Variants in GTF3C4 observed in about 807,000 individuals in gnomAD.
GTF3C4 encodes general transcription factor 3C polypeptide 4.
GTF3C4 carries 28 observed loss-of-function variants against 67.5 expected under a neutral mutation model. The ratio of observed to expected loss-of-function variants is 0.41; its 90% CI spans 0.31 to 0.57. The LOEUF (loss-of-function observed/expected upper bound fraction) is 0.57. GTF3C4 is among the 20% of genes least tolerant of loss of function. GTF3C4 has a pLI of 0.21. For missense variants in GTF3C4, 831 were observed against 1,033.2 expected (o/e 0.80, Z 2.68); for synonymous variants, 409 against 393.0 (o/e 1.04, Z -0.48).
Position 132,670,525 on chromosome 9 carries a change from G to T in GTF3C4, c.-74G>T. The T allele has an allele frequency of 1.7e-6, 2 of 1,178,516 alleles. No homozygotes were observed. The highest frequency in any genetic ancestry group is 1.9e-5 in the South Asian group (1 of 53,354). The allele number at this position is 1,178,516 out of a possible 1,614,324, so 73.0% of individuals were successfully genotyped here. A position where few individuals can be genotyped will look rare whatever the true frequency, so the allele number is the denominator to read the frequency against. ...ACCGCCGCGGAGGGCGCTGGGGGTG[G>T]CGGCGGCGGTCCGGGAGGTGGTCGC... is the stretch of plus-strand genomic sequence containing the variant. On this transcript the variant is annotated 5_prime_UTR_variant, in exon 1 of 5. Transcript: ENST00000372146.
chr9:132,675,949 A>AG (rs1268997800), intron 1 of GTF3C4, among the ~76,000 whole-genome samples: 1 of 114,982 alleles, frequency 8.7e-6, no homozygotes, highest in African/African-American at 3.5e-5. Flanking sequence ...CCCAGGCTGG[A>AG]GTGCAGTGGT....
Position 132,693,568 on chromosome 9 carries a change from A to G in GTF3C4, c.*4623A>G, listed in dbSNP as rs1170752408. On this transcript the variant is annotated 3_prime_UTR_variant, in exon 5 of 5. Transcript: ENST00000372146. ...AAATACTGTAAATGGGTTGGTTAGA[A>G]TTAAAGTTTAGAACTCTAAATCTTA... The G allele has an allele frequency of 3.3e-5, 5 of 152,336 alleles. No homozygotes were observed. In the East Asian group the frequency reaches 7.7e-4, roughly 23 times the overall value. 9.4% of individuals were successfully genotyped at this position (152,336 alleles called of 1,614,324 possible).
chr9:132,683,589 G>A lies in GTF3C4; in HGVS notation c.2211G>A (p.Lys737=). ...TGCTGATTGGACATATCTCAAAGAA[G>A]ATGAACAAACAGACTTTCCCTGAGC... is the stretch of plus-strand genomic sequence containing the variant. ...ARVLIGHISK[K]MNKQTFPEHC... is the part of the protein sequence containing the mutation. The change falls in exon 3 of 5, where the codon AAG becomes AAA. Residue 737 remains lysine, a synonymous_variant. Transcript: ENST00000372146. The A allele has an allele frequency of 1.2e-6, 2 of 1,612,440 alleles. No homozygotes were observed. The highest frequency in any genetic ancestry group is 1.7e-6 in the Non-Finnish European group (2 of 1,179,622).
intron 1 of GTF3C4, among the ~76,000 whole-genome samples, chr9:132,672,879 T>C (rs1218708888): frequency 6.6e-6 from 1 of 152,096 alleles, no homozygotes; most frequent in Non-Finnish European, 1.5e-5. Context: ...CTGTAAATGC[T>C]CAAGGTGAAA....
At chr9:132,676,533 C>A (rs1308569444) in intron 1 of GTF3C4, among the ~76,000 whole-genome samples, 1 of 151,832 alleles carries the variant, frequency 6.6e-6, no homozygotes, top group Non-Finnish European at 1.5e-5. Flanking sequence ...GTTGCCCAGG[C>A]TGGTCTCAAA....
chr9:132,694,407 G>T lies in GTF3C4; in HGVS notation c.*5462G>T, dbSNP rs1836165467. On this transcript the variant is annotated 3_prime_UTR_variant, in exon 5 of 5. Transcript: ENST00000372146. The stretch of plus-strand genomic sequence containing the variant: ...CACTACAAAGCTACTCCTGCCAGAA[G>T]AGGGCAGAGTTCTTTCTTGGGTTTG... 6.6e-6 allele frequency: 1 copy of T among 152,232 alleles called. No individual in the cohort carries two copies. The highest frequency in any genetic ancestry group is 2.4e-5 in the African/African-American group (1 of 41,456). 9.4% of individuals were successfully genotyped at this position (152,232 alleles called of 1,614,324 possible).
intron 4 of GTF3C4, among the ~76,000 whole-genome samples, chr9:132,688,274 CT>C (rs764121035): frequency 2.1e-4 from 32 of 152,308 alleles, no homozygotes; most frequent in Admixed American, 1.4e-3. Flanking sequence ...TTTTTGGGAA[CT>C]TTTAAATTTT....
At chr9:132,680,598 C>G (rs1240263516) in intron 2 of GTF3C4, among the ~76,000 whole-genome samples, 1 of 152,226 alleles carries the variant, frequency 6.6e-6, no homozygotes, top group Non-Finnish European at 1.5e-5. Context: ...AAGACTGATA[C>G]TTACTGACTA....
At chr9:132,674,574 A>T (rs1457068496) in intron 1 of GTF3C4, among the ~76,000 whole-genome samples, 1 of 152,226 alleles carries the variant, frequency 6.6e-6, no homozygotes. Flanking sequence ...CTTCTACAGT[A>T]GCTTTTATTT....
intron 1 of GTF3C4, among the ~76,000 whole-genome samples, chr9:132,671,842 C>G (rs1835776178): frequency 6.6e-6 from 1 of 152,112 alleles, no homozygotes; most frequent in African/African-American, 2.4e-5. Context: ...CATTCTTTGG[C>G]AAGTCAAGCA....
At chr9:132,670,376 G>T, upstream of GTF3C4, 3 of 1,224,732 alleles carry the variant, frequency 2.4e-6, no homozygotes, top group Non-Finnish European at 3.2e-6. Flanking sequence ...GGGGGTCCTC[G>T]GGGCTCCCCG....
At chr9:132,681,495 G>A (rs1041393529) in intron 2 of GTF3C4, among the ~76,000 whole-genome samples, 2 of 152,048 alleles carry the variant, frequency 1.3e-5, no homozygotes, top group African/African-American at 4.8e-5. Flanking sequence ...AAATTATTTT[G>A]GAGATTATCA....
intron 1 of GTF3C4, 143 bp from the exon 2 acceptor site, chr9:132,677,834 C>A: frequency 3.0e-6 from 2 of 677,040 alleles, no homozygotes; most frequent in Non-Finnish European, 2.5e-6. Flanking sequence ...TCTTAAGAAT[C>A]AAGTACATCT....
upstream of GTF3C4, chr9:132,670,248 A>T (rs1835668357): frequency 6.6e-7 from 1 of 1,524,776 alleles, no homozygotes; most frequent in East Asian, 2.3e-5. Flanking sequence ...ATCCGGCGCC[A>T]TCTCACCGAC....
At chr9:132,674,554 TG>T (rs894298495) in intron 1 of GTF3C4, among the ~76,000 whole-genome samples, 4 of 152,256 alleles carry the variant, frequency 2.6e-5, no homozygotes, top group Non-Finnish European at 5.9e-5. Context: ...TTACCAATCC[TG>T]TGAGTTTACT....
chr9:132,670,609 C>G lies in GTF3C4; in HGVS notation c.11C>G (p.Ala4Gly). 2 of 1,447,270 alleles carry G rather than the reference C, an allele frequency of 1.4e-6. No individual in the cohort carries two copies. Among genetic ancestry groups the G allele is most frequent in the Non-Finnish European group, 9.0e-7 (1 of 1,111,364 alleles). The allele number at this position is 1,447,270 out of a possible 1,614,324, so 89.7% of individuals were successfully genotyped here. A position where few individuals can be genotyped will look rare whatever the true frequency, so the allele number is the denominator to read the frequency against. The change falls in exon 1 of 5, where the codon GCC (alanine) becomes GGC (glycine). Residue 4 changes from alanine to glycine, a missense_variant. Transcript: ENST00000372146. MNT[A>G]DQARVGPADD... Reference sequence around the variant, plus strand: ...TGCACCTGAGAGAAGATGAACACGGCCGACCAGGCCCGGGTGGGGCCCGCG... The same window carrying G: ...TGCACCTGAGAGAAGATGAACACGGGCGACCAGGCCCGGGTGGGGCCCGCG...
At chr9:132,673,643 C>A (rs764099228) in intron 1 of GTF3C4, among the ~76,000 whole-genome samples, 4 of 152,168 alleles carry the variant, frequency 2.6e-5, no homozygotes, top group Non-Finnish European at 5.9e-5. Flanking sequence ...TGCAGCATGC[C>A]TTCGCGCTAA....
At position 132,678,139 on chromosome 9, in the gene GTF3C4, T is replaced by TG; in HGVS notation, c.521dup (p.Cys174TrpfsTer4). 1 of 1,614,238 alleles carries TG rather than the reference T, an allele frequency of 6.2e-7. No individual in the cohort carries two copies. Among genetic ancestry groups the TG allele is most frequent in the Non-Finnish European group, 8.5e-7 (1 of 1,180,032 alleles). ...GTACACCAGCTGGTCTCCCATGGGT[T>TG]GCGATGCTAATGGCAGGTGCCTCTT... On this transcript the variant is annotated frameshift_variant, in exon 2 of 5. Coordinates refer to ENST00000372146, the MANE Select transcript of GTF3C4 (RefSeq NM_012204.4). LOFTEE classifies it high-confidence loss of function. This position sits in a 1 kb window ranked among gnomAD's most constrained non-coding sequence, Gnocchi z 6.5.
chr9:132,676,668 A>C (rs1414629234), intron 1 of GTF3C4, among the ~76,000 whole-genome samples: 1 of 151,522 alleles, frequency 6.6e-6, no homozygotes, highest in African/African-American at 2.4e-5. Flanking sequence ...TTTCTGATAC[A>C]TCCCCAGTTG....
Sources: allele counts gnomAD v4.1 joint callset (sites outside exome capture counted in the v4.1 genomes callset), GRCh38; gene constraint gnomAD v4.1.1; non-coding constraint Gnocchi (gnomAD v3.1); transcripts MANE v1.5; gene names NCBI Gene and HGNC (gene_info 2026-07-23, HGNC 2026-07-21).